Variants in ZNF343 observed in about 807,000 individuals in gnomAD.
ZNF343 encodes zinc finger protein 343.
Under a neutral mutation model 13.8 loss-of-function variants are expected in ZNF343, and 11 were observed. The ratio of observed to expected loss-of-function variants is 0.80; its 90% CI spans 0.50 to 1.32. ZNF343 has a LOEUF of 1.32. ZNF343 is among the 40% of genes most tolerant of loss of function. The pLI, the probability that ZNF343 is intolerant of heterozygous loss-of-function variation, is 0.00. For synonymous variants in ZNF343, 248 were observed against 260.0 expected, an observed-to-expected ratio of 0.95 and a Z score of 0.44; for missense variants, 658 against 714.2, an observed-to-expected ratio of 0.92 and a Z score of 0.90.
At chr20:2,485,369 A>C (rs1042677389) in intron 5 of ZNF343, among the ~76,000 whole-genome samples, 7 of 152,230 alleles carry the variant, frequency 4.6e-5, no homozygotes, top group African/African-American at 1.7e-4. Flanking sequence ...ACCTGCCTAC[A>C]AAATATCAAA....
intron 1 of ZNF343, among the ~76,000 whole-genome samples, chr20:2,519,823 T>C (rs2122762817): frequency 6.6e-6 from 1 of 152,354 alleles, no homozygotes; most frequent in African/African-American, 2.4e-5. Flanking sequence ...TTCTGTTTAG[T>C]TTCACATATA....
intron 5 of ZNF343, chr20:2,492,065 G>C (rs1196462360): frequency 6.4e-6 from 1 of 155,156 alleles, no homozygotes; most frequent in Non-Finnish European, 1.5e-5. Context: ...TGTTGGCCAG[G>C]ATGGTCTCGA....
chr20:2,486,971 T>C (rs548999663), intron 5 of ZNF343, among the ~76,000 whole-genome samples: 4 of 152,316 alleles, frequency 2.6e-5, no homozygotes, highest in African/African-American at 9.6e-5. Context: ...TGCTTAACTC[T>C]GCCATTGTAT....
chr20:2,501,945 G>A (rs1194398820), intron 1 of ZNF343, among the ~76,000 whole-genome samples: 2 of 152,290 alleles, frequency 1.3e-5, no homozygotes, highest in Non-Finnish European at 2.9e-5. Flanking sequence ...CACTAGCAAC[G>A]GAACAAAGCT....
Position 2,508,473 on chromosome 20 carries a change from C to T in ZNF343, c.-237+408G>A, listed in dbSNP as rs1001817820. 1.3e-5 allele frequency among the ~76,000 whole-genome samples: 2 copies of T among 152,170 alleles called. No homozygotes were observed. Among genetic ancestry groups the T allele is most frequent in the South Asian group, 2.1e-4 (1 of 4,822 alleles). ...ATGTGCGGACCTAGCCACGTCCCCA[C>T]CCCAGCCGCGGGGATGTTGGTCCAT... is the stretch of plus-strand genomic sequence containing the variant. On this transcript the variant is annotated intron_variant, in intron 1 of 5. Transcript: ENST00000278772. The surrounding 1 kb of genome is among the most constrained non-coding windows in gnomAD (Gnocchi z 4.5).
rs142385929 is a variant in ZNF343 at position 2,483,655 on chromosome 20, G to T, written c.1306C>A (p.Pro436Thr). 9.9e-6 allele frequency: 16 copies of T among 1,613,034 alleles called. No homozygotes were observed. In the African/African-American group the frequency reaches 2.0e-4, roughly 20 times the overall value. ...CGCCCACACTCCCTGCAAACATAAGGCTTCTCATCCAAGTGTGTCCTCTGG... is the reference window on the plus strand; with the variant it reads ...CGCCCACACTCCCTGCAAACATAAGTCTTCTCATCCAAGTGTGTCCTCTGG... ...KHQRTHLDEK[P>T]YVCRECGRGF... Residue 436 changes from proline (P) to threonine (T), a missense_variant, in exon 6 of 6, where the codon CCT (proline) becomes ACT (threonine). Physicochemically the swap from Pro to Thr is conservative, Grantham distance 38 (BLOSUM62 -1). Transcript: ENST00000278772.
At chr20:2,522,143 A>G (rs954924696) in intron 1 of ZNF343, among the ~76,000 whole-genome samples, 5 of 152,214 alleles carry the variant, frequency 3.3e-5, no homozygotes, top group South Asian at 4.1e-4. Context: ...AGGAGCAATA[A>G]AAGTGTGGTG....
intron 1 of ZNF343, among the ~76,000 whole-genome samples, chr20:2,507,374 T>TG (rs1425470231): frequency 6.6e-6 from 1 of 151,922 alleles, no homozygotes; most frequent in East Asian, 1.9e-4. Flanking sequence ...CAGAACCATG[T>TG]GGGGACATCA....
chr20:2,506,646 G>C (rs921572777), intron 1 of ZNF343, among the ~76,000 whole-genome samples: 3 of 152,102 alleles, frequency 2.0e-5, no homozygotes, highest in Non-Finnish European at 4.4e-5. Context: ...TCCTTTGTAG[G>C]GACATGGATG....
intron 1 of ZNF343, among the ~76,000 whole-genome samples, chr20:2,523,677 C>T (rs1313108128): frequency 6.8e-5 from 7 of 102,784 alleles, no homozygotes; most frequent in East Asian, 2.6e-4. Flanking sequence ...GCTATGTGTA[C>T]TTTTTTTTTT....
At chr20:2,501,519 G>C (rs1349284816) in intron 1 of ZNF343, among the ~76,000 whole-genome samples, 1 of 152,206 alleles carries the variant, frequency 6.6e-6, no homozygotes, top group African/African-American at 2.4e-5. Flanking sequence ...GCCTCCTCAG[G>C]TGGGTCCCTG....
Position 2,492,416 on chromosome 20 carries a change from C to T in ZNF343, c.304+283G>A, listed in dbSNP as rs1216454443. ...TACCCAGTTTTAAACTTCAGCCAGC[C>T]ACCCTATCACACCCAATACCCCTTT... On this transcript the variant is annotated intron_variant, in intron 5 of 5. Coordinates refer to ENST00000278772, the MANE Select transcript of ZNF343 (RefSeq NM_024325.6). Among the ~76,000 whole-genome samples, 4 of 152,182 alleles carry T rather than the reference C, an allele frequency of 2.6e-5. No homozygotes were observed. In the East Asian group the frequency reaches 7.7e-4, roughly 29 times the overall value.
intron 5 of ZNF343, 113 bp from the exon 6 acceptor site, chr20:2,484,769 G>A (rs2085256892): frequency 2.1e-6 from 2 of 939,380 alleles, no homozygotes; most frequent in Non-Finnish European, 3.1e-6. Flanking sequence ...GATAATATAA[G>A]TATAACACAA....
In ZNF343 at chr20:2,484,496, C is replaced by T. The variant is rs2085250247; in HGVS notation, c.465G>A (p.Gly155=). The T allele has an allele frequency of 1.2e-6, 2 of 1,614,246 alleles. No homozygotes were observed. Among genetic ancestry groups the T allele is most frequent in the African/African-American group, 1.3e-5 (1 of 75,064 alleles). Residue 155 remains glycine (G), a synonymous_variant, in exon 6 of 6, where the codon GGG becomes GGA. Coordinates refer to ENST00000278772, the MANE Select transcript of ZNF343 (RefSeq NM_024325.6). ...AACAGCTTACATGGGAATACTGCTG[C>T]CCCTGCTGTTTCCAATGCCCTGGGC... The part of the protein sequence containing the change: ...NSSPGHWKQQ[G]QQYSHVSCWF...
At chr20:2,492,613 A>C in intron 5 of ZNF343, 86 bp downstream of exon 5, 2 of 1,513,388 alleles carry the variant, frequency 1.3e-6, no homozygotes, top group Non-Finnish European at 1.8e-6. Context: ...TGTTGTAAGT[A>C]TCTAGAACAT....
rs536686213 is a variant in ZNF343 at position 2,518,920 on chromosome 20, A to C, written c.-347+5535T>G. Among the ~76,000 whole-genome samples the C allele has an allele frequency of 2.0e-4, 31 of 152,324 alleles. No individual in the cohort carries two copies. Among genetic ancestry groups the C allele is most frequent in the African/African-American group, 7.5e-4 (31 of 41,572 alleles). ...GTCCTCATGATAGTGAGTTCTCACA[A>C]GATCTGATGGTTTAAAAGTGTTTGG... is the stretch of plus-strand genomic sequence containing the variant. On this transcript the variant is annotated intron_variant, in intron 1 of 6. Transcript: ENST00000358413. The surrounding 1 kb of genome is among the most constrained non-coding windows in gnomAD (Gnocchi z 4.6).
chr20:2,483,685 T>G lies in ZNF343; in HGVS notation c.1276A>C (p.Lys426Gln). 1.2e-6 allele frequency: 2 copies of G among 1,610,574 alleles called. No individual in the cohort carries two copies. Among genetic ancestry groups the G allele is most frequent in the Non-Finnish European group, 8.5e-7 (1 of 1,178,464 alleles). ...RGFSQNSDLI[K>Q]HQRTHLDEKP... ...TCATCCAAGTGTGTCCTCTGGTGTT[T>G]GATGAGATCTGAGTTCTGGCTAAAG... Residue 426 changes from lysine (K) to glutamine (Q), a missense_variant, in exon 6 of 6, where the codon AAA becomes CAA. Transcript: ENST00000278772.
chr20:2,498,991 C>G (rs879706934), intron 2 of ZNF343, among the ~76,000 whole-genome samples: 1 of 152,104 alleles, frequency 6.6e-6, no homozygotes, highest in Non-Finnish European at 1.5e-5. Context: ...AGGTGTGCAG[C>G]ACCACGCCCA....
In ZNF343 at chr20:2,482,978, C is replaced by T; in HGVS notation, c.*183G>A. ...TGGCTACAGTTGCCCGTACTCTATACTCATAAGGCTCCTCTCCTGAACGTG... is the reference window on the plus strand; with the variant it reads ...TGGCTACAGTTGCCCGTACTCTATATTCATAAGGCTCCTCTCCTGAACGTG... On this transcript the variant is annotated 3_prime_UTR_variant, in exon 6 of 6. Transcript: ENST00000278772. 8.6e-6 allele frequency: 6 copies of T among 698,890 alleles called. No individual in the cohort carries two copies. Among genetic ancestry groups the T allele is most frequent in the Middle Eastern group, 4.0e-4 (1 of 2,496 alleles). The allele number at this position is 698,890 out of a possible 1,614,324, so 43.3% of individuals were successfully genotyped here.
Sources: gnomAD v4.1 joint callset for allele counts (sites outside exome capture counted in the v4.1 genomes callset) on GRCh38, gnomAD v4.1.1 for gene constraint, Gnocchi (gnomAD v3.1) non-coding constraint, MANE v1.5 for transcripts, NCBI Gene and HGNC (gene_info 2026-07-23, HGNC 2026-07-21) for gene names.